Variants in PAM observed in about 807,000 individuals in gnomAD.
PAM encodes peptidylglycine alpha-amidating monooxygenase.
A neutral mutation model predicts 122.1 loss-of-function variants in PAM; 72 were observed. That is an observed-to-expected ratio of 0.59 (90% CI 0.49 to 0.72). PAM has a LOEUF of 0.72. Among genes scored for constraint, PAM ranks in the 30% least tolerant of loss-of-function variants. The pLI is 0.00. For missense variants in PAM, 1,106 were observed against 1,183.7 expected (o/e 0.93, Z 0.96); for synonymous variants, 389 against 404.4 (o/e 0.96, Z 0.46).
intron 1 of PAM, among the ~76,000 whole-genome samples, chr5:102,788,409 A>G (rs1318994525): frequency 6.6e-6 from 1 of 150,516 alleles, no homozygotes; most frequent in Non-Finnish European, 1.5e-5. Flanking sequence ...AAAGTTATGG[A>G]ATGTATGCAA....
chr5:102,895,731 A>G (rs1796025180), intron 3 of PAM, among the ~76,000 whole-genome samples: 1 of 151,722 alleles, frequency 6.6e-6, no homozygotes, highest in African/African-American at 2.4e-5. Context: ...AGTATCAAAT[A>G]TAAGCCACTT....
At chr5:102,804,966 G>A (rs1360866556) in intron 1 of PAM, among the ~76,000 whole-genome samples, 1 of 152,120 alleles carries the variant, frequency 6.6e-6, no homozygotes, top group East Asian at 1.9e-4. Flanking sequence ...GTGGCTGACT[G>A]GGAGAGAGAT....
intron 14 of PAM, among the ~76,000 whole-genome samples, chr5:102,967,924 T>C (rs1209261580): frequency 6.6e-6 from 1 of 152,068 alleles, no homozygotes; most frequent in African/African-American, 2.4e-5. Flanking sequence ...GGTTTCACCT[T>C]GTTGGCCAGG....
At chr5:102,892,644 A>G (rs1795067702) in intron 3 of PAM, among the ~76,000 whole-genome samples, 1 of 151,874 alleles carries the variant, frequency 6.6e-6, no homozygotes, top group South Asian at 2.1e-4. Context: ...TTTAAAAATC[A>G]TTGTACCAAT....
At chr5:102,871,848 A>G (rs1787622378) in intron 3 of PAM, among the ~76,000 whole-genome samples, 1 of 151,344 alleles carries the variant, frequency 6.6e-6, no homozygotes, top group South Asian at 2.1e-4. Flanking sequence ...TAATGTAAGT[A>G]CTTTCAAATC....
chr5:102,968,020 G>A (rs1483454471), intron 14 of PAM, among the ~76,000 whole-genome samples: 1 of 152,098 alleles, frequency 6.6e-6, no homozygotes, highest in Non-Finnish European at 1.5e-5. Flanking sequence ...ACAGTGCCCA[G>A]CCAAAAACTA....
At chr5:102,786,506 G>A (rs78882863) in intron 1 of PAM, among the ~76,000 whole-genome samples, 4,207 of 152,028 alleles carry the variant, frequency 0.028, 115 homozygotes, top group East Asian at 0.14. Flanking sequence ...TTTTAATGTG[G>A]TTTCTGTTAG....
intron 12 of PAM, among the ~76,000 whole-genome samples, chr5:102,956,387 T>G (rs958977018): frequency 2.0e-5 from 3 of 152,152 alleles, no homozygotes; most frequent in Admixed American, 1.3e-4. Flanking sequence ...GTAAGATAAT[T>G]CACTTTTGAG....
rs1464307885 is a variant in PAM at position 102,867,325 on chromosome 5, C to A, written c.142C>A (p.Pro48Thr). The A allele has an allele frequency of 6.2e-7, 1 of 1,603,624 alleles. No homozygotes were observed. ...FSNECLGTTRPVVPIDSSDFA... is the reference protein window; with the variant it reads ...FSNECLGTTRTVVPIDSSDFA... The stretch of plus-strand genomic sequence containing the variant: ...CAATGAATGTCTTGGTACCACCAGA[C>A]CCGTAGTTCCTATTGATTCATCAGA... Residue 48 changes from proline to threonine, a missense_variant, in exon 3 of 26, where the codon CCC becomes ACC. Coordinates refer to ENST00000438793, the MANE Select transcript of PAM (RefSeq NM_001177306.2).
intron 1 of PAM, among the ~76,000 whole-genome samples, chr5:102,829,646 T>G (rs1464134820): frequency 6.6e-6 from 1 of 152,226 alleles, no homozygotes; most frequent in Non-Finnish European, 1.5e-5. Context: ...AATGCTGGGA[T>G]TACAGGCGTG....
Position 102,777,497 on chromosome 5 carries a change from A to C in PAM, c.-374+22149A>C, listed in dbSNP as rs568184055. 9.2e-5 allele frequency among the ~76,000 whole-genome samples: 14 copies of C among 152,242 alleles called. No individual in the cohort carries two copies. The South Asian group carries it at 2.7e-3, about 29-fold the overall frequency. On this transcript the variant is annotated intron_variant, in intron 1 of 25. Transcript: ENST00000438793. The stretch of plus-strand genomic sequence containing the variant: ...TATAAATATTAGTTAAATGAATAAA[A>C]TTTCTAGTAAAATCAAGTATTTAAG...
chr5:102,784,184 C>T (rs1015647891), intron 1 of PAM, among the ~76,000 whole-genome samples: 3 of 151,546 alleles, frequency 2.0e-5, no homozygotes, highest in East Asian at 2.0e-4. Context: ...TGAGCCACCG[C>T]GCCCGGCTGA....
chr5:102,807,622 A>G (rs997128132), intron 1 of PAM, among the ~76,000 whole-genome samples: 5 of 152,184 alleles, frequency 3.3e-5, no homozygotes, highest in African/African-American at 1.2e-4. Context: ...CACCTCATGG[A>G]GAAGTAAATA....
chr5:102,966,824 G>C (rs1764221213), intron 14 of PAM, among the ~76,000 whole-genome samples: 1 of 152,002 alleles, frequency 6.6e-6, no homozygotes, highest in Admixed American at 6.6e-5. Context: ...AGAAATTGCA[G>C]AACAATAAGC....
intron 14 of PAM, among the ~76,000 whole-genome samples, chr5:102,968,452 G>T (rs192636237): frequency 2.6e-5 from 4 of 152,066 alleles, no homozygotes; most frequent in Admixed American, 6.5e-5. Flanking sequence ...GAGATTAAAC[G>T]TATTAAACCG....
intron 19 of PAM, 68 bp downstream of exon 19, chr5:103,007,079 C>A (rs1779185468): frequency 2.6e-6 from 3 of 1,135,260 alleles, no homozygotes; most frequent in Admixed American, 4.2e-5. Flanking sequence ...TAAATATTGG[C>A]CAACACTCAC....
intron 3 of PAM, among the ~76,000 whole-genome samples, chr5:102,871,869 G>A (rs867762898): frequency 6.6e-6 from 1 of 151,284 alleles, no homozygotes; most frequent in Non-Finnish European, 1.5e-5. Flanking sequence ...CTAGGTTTAT[G>A]TAGCATTCTA....
chr5:103,015,508 C>G (rs569179588), intron 21 of PAM, among the ~76,000 whole-genome samples: 1 of 152,194 alleles, frequency 6.6e-6, no homozygotes, highest in South Asian at 2.1e-4. Context: ...CTGTGTAGCT[C>G]TAAAAATACT....
chr5:103,007,694 A>G, intron 20 of PAM, 37 bp downstream of exon 20: 4 of 1,291,510 alleles, frequency 3.1e-6, no homozygotes, highest in Non-Finnish European at 4.5e-6. Flanking sequence ...CTTCTGTCCT[A>G]CTGTACTCTA....
Sources: allele counts gnomAD v4.1 joint callset (sites outside exome capture counted in the v4.1 genomes callset), GRCh38; gene constraint gnomAD v4.1.1; transcripts MANE v1.5; gene names NCBI Gene and HGNC (gene_info 2026-07-23, HGNC 2026-07-21).